FHIT: variants seen among roughly 807,000 people sequenced by gnomAD.
FHIT encodes bis(5'-adenosyl)-triphosphatase.
In FHIT, 19 loss-of-function variants were observed where a neutral mutation model predicts 17.9. That is an observed-to-expected ratio of 1.06 (90% CI 0.74 to 1.56). The LOEUF is 1.56. FHIT is among the 40% of genes most tolerant of loss of function. FHIT has a pLI of 0.00. For missense variants in FHIT, 248 were observed against 189.2 expected (o/e 1.31, Z -1.82); for synonymous variants, 81 against 69.7 (o/e 1.16, Z -0.81).
chr3:59,760,865 G>C (rs892390222), intron 8 of FHIT, among the ~76,000 whole-genome samples: 10 of 150,534 alleles, frequency 6.6e-5, no homozygotes, highest in African/African-American at 2.5e-4. Flanking sequence ...GTCTCACTCT[G>C]TCTGGAGTGT....
rs868364411 is a variant in FHIT, at chr3:61,150,458, A to T, written c.-164+50159T>A. Among the ~76,000 whole-genome samples the T allele has an allele frequency of 1.8e-4, 27 of 152,088 alleles. 1 individual carries two copies. The highest frequency in any genetic ancestry group is 3.1e-4 in the Non-Finnish European group (21 of 68,010). ...AGTGCTAGGATTACAGGTGTGAGCC[A>T]CCATGCCCAGCCATTTAACTCATAT... On this transcript the variant is annotated intron_variant, in intron 2 of 9. Coordinates refer to ENST00000492590, the MANE Select transcript of FHIT (RefSeq NM_002012.4).
chr3:60,560,487 G>C (rs189769364), intron 4 of FHIT, among the ~76,000 whole-genome samples: 2 of 152,158 alleles, frequency 1.3e-5, no homozygotes, highest in African/African-American at 4.8e-5. Context: ...TGGAAATTCT[G>C]TAAGTAAATT....
intron 8 of FHIT, among the ~76,000 whole-genome samples, chr3:59,917,142 T>C (rs963989755): frequency 1.3e-5 from 2 of 152,220 alleles, no homozygotes; most frequent in Admixed American, 6.5e-5. Context: ...TTTTAGCAAG[T>C]TGATTTTGCT....
intron 5 of FHIT, among the ~76,000 whole-genome samples, chr3:60,223,301 C>A (rs1404347883): frequency 2.0e-5 from 3 of 152,074 alleles, no homozygotes; most frequent in Admixed American, 6.5e-5. Context: ...GTACAGGGAG[C>A]TTAAGTCAAT....
At chr3:60,347,011 A>T (rs1710814092) in intron 5 of FHIT, among the ~76,000 whole-genome samples, 1 of 144,054 alleles carries the variant, frequency 6.9e-6, no homozygotes. Flanking sequence ...GAAATATATT[A>T]TCTTATGATT....
chr3:59,830,511 C>T (rs1269554087), intron 8 of FHIT, among the ~76,000 whole-genome samples: 1 of 152,166 alleles, frequency 6.6e-6, no homozygotes, highest in East Asian at 1.9e-4. Flanking sequence ...TGTTGCTTTG[C>T]GATTCCAAAA....
intron 5 of FHIT, among the ~76,000 whole-genome samples, chr3:60,249,366 TCTC>T (rs1197096342): frequency 6.6e-6 from 1 of 152,086 alleles, no homozygotes; most frequent in Admixed American, 6.6e-5. Flanking sequence ...AACAGCGTCT[TCTC>T]CTCCTCCACA....
At chr3:60,766,449 T>C (rs1262212763) in intron 4 of FHIT, among the ~76,000 whole-genome samples, 8 of 145,572 alleles carry the variant, frequency 5.5e-5, no homozygotes, top group African/African-American at 2.1e-4. Flanking sequence ...TACTTTTATT[T>C]CTGTTTTCTT....
At chr3:60,173,882 C>CCAA (rs1701527536) in intron 5 of FHIT, among the ~76,000 whole-genome samples, 1 of 25,984 alleles carries the variant, frequency 3.8e-5, no homozygotes, top group Non-Finnish European at 6.5e-5. Context: ...CTCCATGTTT[C>CCAA]TAATATATAT....
chr3:60,167,399 T>A (rs1400470188), intron 5 of FHIT, among the ~76,000 whole-genome samples: 1 of 152,350 alleles, frequency 6.6e-6, no homozygotes. Context: ...TATATCCATA[T>A]ATACACATGC....
At chr3:60,601,956 T>C (rs2038457986) in intron 4 of FHIT, among the ~76,000 whole-genome samples, 1 of 152,070 alleles carries the variant, frequency 6.6e-6, no homozygotes, top group Admixed American at 6.6e-5. Context: ...AAAACTAAAT[T>C]ACCATGATGG....
At chr3:60,404,859 T>A (rs1234070611) in intron 5 of FHIT, among the ~76,000 whole-genome samples, 3 of 152,140 alleles carry the variant, frequency 2.0e-5, no homozygotes, top group Admixed American at 2.0e-4. Context: ...CTTTTCCAAG[T>A]TCCCATTCAG....
intron 5 of FHIT, among the ~76,000 whole-genome samples, chr3:60,072,749 T>C (rs1375213064): frequency 2.0e-5 from 3 of 152,206 alleles, no homozygotes; most frequent in African/African-American, 4.8e-5. Context: ...ACTCTACATC[T>C]TCTGTACTAT....
intron 8 of FHIT, among the ~76,000 whole-genome samples, chr3:59,852,685 C>A (rs939073640): frequency 3.9e-5 from 6 of 152,156 alleles, no homozygotes; most frequent in Non-Finnish European, 8.8e-5. Context: ...ATTCATCCCT[C>A]CCTCCCTCCT....
intron 3 of FHIT, among the ~76,000 whole-genome samples, chr3:60,988,712 G>C (rs1293959043): frequency 1.3e-5 from 2 of 152,050 alleles, no homozygotes; most frequent in African/African-American, 4.8e-5. Context: ...GCCTTGACAA[G>C]GTAAAGGGCA....
intron 3 of FHIT, among the ~76,000 whole-genome samples, chr3:60,986,161 C>T (rs1358678907): frequency 6.6e-6 from 1 of 152,196 alleles, no homozygotes; most frequent in Non-Finnish European, 1.5e-5. Context: ...AGTCCTTTCA[C>T]CTGAGGATTA....
chr3:59,951,105 T>C (rs1421184298), intron 7 of FHIT, among the ~76,000 whole-genome samples: 1 of 152,178 alleles, frequency 6.6e-6, no homozygotes, highest in Non-Finnish European at 1.5e-5. Flanking sequence ...ATTACCTATG[T>C]GTTATGCATG....
chr3:60,159,359 G>T (rs1259021510), intron 5 of FHIT, among the ~76,000 whole-genome samples: 1 of 152,080 alleles, frequency 6.6e-6, no homozygotes, highest in African/African-American at 2.4e-5. Flanking sequence ...AGGCTCAAAG[G>T]ATCCACCCAC....
At chr3:60,138,063 G>A (rs969921709) in intron 5 of FHIT, among the ~76,000 whole-genome samples, 1 of 152,150 alleles carries the variant, frequency 6.6e-6, no homozygotes, top group Non-Finnish European at 1.5e-5. Flanking sequence ...TTTTAAAGAT[G>A]AGAAGACTGA....
Sources: gnomAD v4.1 joint callset for allele counts (sites outside exome capture counted in the v4.1 genomes callset) on GRCh38, gnomAD v4.1.1 for gene constraint, MANE v1.5 for transcripts, NCBI Gene and HGNC (gene_info 2026-07-23, HGNC 2026-07-21) for gene names.